XPR1: variants seen among roughly 807,000 people sequenced by gnomAD.
XPR1 encodes xenotropic and polytropic retrovirus receptor 1, also known as solute carrier family 53 member 1.
In XPR1, 28 loss-of-function variants were observed where a neutral mutation model predicts 87.5. The ratio of observed to expected loss-of-function variants is 0.32; its 90% CI spans 0.24 to 0.44. The LOEUF (loss-of-function observed/expected upper bound fraction) is 0.44, where lower values mean the gene tolerates loss of function less well. XPR1 is among the 20% of genes least tolerant of loss of function. XPR1 has a pLI of 1.00. For synonymous variants in XPR1, 300 were observed against 306.1 expected (o/e 0.98, Z 0.21); for missense variants, 559 against 862.3 (o/e 0.65, Z 4.41).
chr1:180,790,396 CT>C (rs1649326889), intron 3 of XPR1, among the ~76,000 whole-genome samples: 2 of 151,936 alleles, frequency 1.3e-5, no homozygotes, highest in Admixed American at 6.6e-5. Context: ...ACTTTATATC[CT>C]CCCCCTCATC....
chr1:180,737,040 A>G (rs907155177), intron 2 of XPR1, among the ~76,000 whole-genome samples: 1 of 152,246 alleles, frequency 6.6e-6, no homozygotes, highest in African/African-American at 2.4e-5. Context: ...ATCTGGTCCT[A>G]TCTTCAGACT....
chr1:180,811,607 G>A, intron 7 of XPR1, 119 bp downstream of exon 7: 2 of 781,706 alleles, frequency 2.6e-6, no homozygotes, highest in Non-Finnish European at 3.8e-6. Flanking sequence ...AATCTATCAG[G>A]GCTAAGTTTT....
chr1:180,746,724 A>G (rs1647274183), intron 2 of XPR1, among the ~76,000 whole-genome samples: 1 of 152,174 alleles, frequency 6.6e-6, no homozygotes, highest in African/African-American at 2.4e-5. Flanking sequence ...CATTTAAAAA[A>G]CTATCCGCTG....
chr1:180,800,172 C>T (rs1403107742), intron 3 of XPR1, among the ~76,000 whole-genome samples: 1 of 152,182 alleles, frequency 6.6e-6, no homozygotes, highest in Non-Finnish European at 1.5e-5. Context: ...AAAAAGGAAT[C>T]ATAGGATGAA....
chr1:180,758,178 T>C (rs1396609341), intron 2 of XPR1, among the ~76,000 whole-genome samples: 3 of 145,944 alleles, frequency 2.1e-5, no homozygotes, highest in Non-Finnish European at 4.6e-5. Flanking sequence ...AAGAATGAAA[T>C]CCTGTCCTTT....
rs1164872012 is a variant in XPR1 at position 180,771,842 on chromosome 1, T to C, written c.122-15911T>C. ...CTTATTTTATTGGTAGTATTAACCTTGATTACTTGTTTAAAGTGGTGTCTG... is the reference window on the plus strand; with the variant it reads ...CTTATTTTATTGGTAGTATTAACCTCGATTACTTGTTTAAAGTGGTGTCTG... On this transcript the variant is annotated intron_variant, in intron 2 of 14. Transcript: ENST00000367590. 2.0e-5 allele frequency among the ~76,000 whole-genome samples: 3 copies of C among 152,338 alleles called. No individual in the cohort carries two copies. The East Asian group carries it at 5.8e-4, about 29-fold the overall frequency.
At chr1:180,759,917 T>C (rs1397417033) in intron 2 of XPR1, among the ~76,000 whole-genome samples, 1 of 152,190 alleles carries the variant, frequency 6.6e-6, no homozygotes, top group Non-Finnish European at 1.5e-5. Flanking sequence ...TTATCCACCA[T>C]GATCAAGTGG....
intron 14 of XPR1, among the ~76,000 whole-genome samples, chr1:180,880,526 C>T (rs1379232738): frequency 1.3e-5 from 2 of 152,174 alleles, no homozygotes; most frequent in African/African-American, 4.8e-5. Context: ...TAATTTGGCA[C>T]TAAAGATCCA....
chr1:180,880,054 T>C (rs917323400), intron 13 of XPR1, 22 bp from the exon 14 acceptor site: 1 of 1,613,278 alleles, frequency 6.2e-7, no homozygotes, highest in Non-Finnish European at 8.5e-7. Context: ...ATAAGTACTT[T>C]GATCTACCCC....
intron 1 of XPR1, among the ~76,000 whole-genome samples, chr1:180,669,963 GA>G (rs908186826): frequency 6.6e-6 from 1 of 152,138 alleles, no homozygotes; most frequent in African/African-American, 2.4e-5. Flanking sequence ...GAAACTGTAT[GA>G]GGGGTGACTA....
intron 1 of XPR1, among the ~76,000 whole-genome samples, chr1:180,653,822 A>G (rs1355993925): frequency 6.6e-6 from 1 of 152,190 alleles, no homozygotes; most frequent in East Asian, 1.9e-4. Context: ...TGGTAACTGC[A>G]TTGACTACTA....
chr1:180,855,844 T>G (rs1014632810), intron 11 of XPR1, among the ~76,000 whole-genome samples: 1 of 152,140 alleles, frequency 6.6e-6, no homozygotes, highest in Admixed American at 6.5e-5. Flanking sequence ...TACATGCTTA[T>G]TTAATCTAAA....
chr1:180,814,671 T>G (rs1008557355), intron 7 of XPR1, among the ~76,000 whole-genome samples: 2 of 152,178 alleles, frequency 1.3e-5, no homozygotes, highest in African/African-American at 4.8e-5. Flanking sequence ...CCTTTCCTTA[T>G]GAAATGTATT....
intron 9 of XPR1, among the ~76,000 whole-genome samples, chr1:180,834,086 A>ATT (rs113763392): frequency 0.039 from 5,752 of 146,514 alleles, 393 homozygotes; most frequent in African/African-American, 0.13. Flanking sequence ...TATTGTAATA[A>ATT]TTTTTTTTTT....
intron 1 of XPR1, among the ~76,000 whole-genome samples, chr1:180,665,715 A>T (rs2101924320): frequency 6.6e-6 from 1 of 152,280 alleles, no homozygotes; most frequent in East Asian, 1.9e-4. Context: ...TGTGCCACAC[A>T]GCTGGCCACA....
intron 2 of XPR1, among the ~76,000 whole-genome samples, chr1:180,726,727 C>G (rs2102003809): frequency 6.6e-6 from 1 of 152,022 alleles, no homozygotes. Context: ...GAGATTTGTA[C>G]AAATGTAAAA....
At chr1:180,856,610 C>G (rs989311741) in intron 11 of XPR1, among the ~76,000 whole-genome samples, 1 of 152,170 alleles carries the variant, frequency 6.6e-6, no homozygotes, top group Non-Finnish European at 1.5e-5. Flanking sequence ...GTTCTCTAAC[C>G]TAGTTTATGG....
rs574361290 is a variant in XPR1, at chr1:180,830,728, C to T, written c.1135-4146C>T. ...CCTTTAGGATGAGGATTAAGGCTTC[C>T]TTCATCCCATCTTCACTTCACACAG... is the stretch of plus-strand genomic sequence containing the variant. On this transcript the variant is annotated intron_variant, in intron 9 of 14. Transcript: ENST00000367590. Among the ~76,000 whole-genome samples the T allele has an allele frequency of 1.8e-4, 27 of 152,252 alleles. 1 individual carries two copies. In the South Asian group the frequency reaches 5.6e-3, roughly 32 times the overall value.
chr1:180,865,172 T>C (rs991995394), intron 12 of XPR1, among the ~76,000 whole-genome samples: 1 of 152,166 alleles, frequency 6.6e-6, no homozygotes, highest in Non-Finnish European at 1.5e-5. Context: ...GGGAGAGTTG[T>C]TGACAGTGAT....
Sources: allele counts gnomAD v4.1 joint callset (sites outside exome capture counted in the v4.1 genomes callset), GRCh38; gene constraint gnomAD v4.1.1; transcripts MANE v1.5; gene names NCBI Gene and HGNC (gene_info 2026-07-23, HGNC 2026-07-21).